Variants in DNAJC1 observed in about 807,000 individuals in gnomAD.
DNAJC1 encodes the protein DnaJ heat shock protein family (Hsp40) member C1.
In DNAJC1, 58 loss-of-function variants were observed where a neutral mutation model predicts 76.6. The observed-to-expected ratio is 0.76, with a 90% CI of 0.61 to 0.94. The LOEUF is 0.94. Among genes scored for constraint, DNAJC1 ranks in the 40% least tolerant of loss-of-function variants. The probability of loss-of-function intolerance (pLI) is 0.00; values close to 1 mark genes in which losing one functional copy is unlikely to be tolerated. For synonymous variants in DNAJC1, 258 were observed against 267.9 expected, an observed-to-expected ratio of 0.96 and a Z score of 0.36; for missense variants, 689 against 677.3, an observed-to-expected ratio of 1.02 and a Z score of -0.19.
chr10:21,967,990 A>G (rs1391346719), intron 1 of DNAJC1, among the ~76,000 whole-genome samples: 2 of 152,234 alleles, frequency 1.3e-5, no homozygotes, highest in South Asian at 2.1e-4. Context: ...AAAATAATAG[A>G]TCAGTCACTT....
chr10:21,826,775 A>C lies in DNAJC1; in HGVS notation c.979-20676T>G, dbSNP rs140107104. ...GAAAAGACTGTCTTCTCCACACTGA[A>C]TGATCTTGGTAGCCTTGTTGAACAT... is the stretch of plus-strand genomic sequence containing the variant. On this transcript the variant is annotated intron_variant, in intron 8 of 11. Coordinates refer to ENST00000376980, the MANE Select transcript of DNAJC1 (RefSeq NM_022365.4). Among the ~76,000 whole-genome samples, 12 of 152,312 alleles carry C rather than the reference A, an allele frequency of 7.9e-5. No homozygotes were observed. In the East Asian group the frequency reaches 2.3e-3, roughly 29 times the overall value.
At chr10:21,983,516 G>A (rs1050412708) in intron 1 of DNAJC1, among the ~76,000 whole-genome samples, 6 of 152,128 alleles carry the variant, frequency 3.9e-5, no homozygotes, top group African/African-American at 1.2e-4. Flanking sequence ...CTTGAGGCCA[G>A]GAGTTCGAGA....
chr10:21,860,286 C>T (rs1431611132), intron 8 of DNAJC1, among the ~76,000 whole-genome samples: 2 of 151,844 alleles, frequency 1.3e-5, no homozygotes, highest in Admixed American at 1.3e-4. Context: ...TTTTTTACCA[C>T]ATATTCTCTT....
At chr10:21,802,854 C>G (rs1253708760) in intron 9 of DNAJC1, among the ~76,000 whole-genome samples, 1 of 152,102 alleles carries the variant, frequency 6.6e-6, no homozygotes, top group Non-Finnish European at 1.5e-5. Flanking sequence ...ACATGCGAGA[C>G]AGTTTTTGTT....
At chr10:21,901,613 T>G (rs973567892) in intron 7 of DNAJC1, among the ~76,000 whole-genome samples, 1 of 152,204 alleles carries the variant, frequency 6.6e-6, no homozygotes, top group Non-Finnish European at 1.5e-5. Context: ...CCCTTTTCAC[T>G]GCCCCCCATA....
chr10:21,875,374 T>C (rs1211821716), intron 8 of DNAJC1, among the ~76,000 whole-genome samples: 2 of 152,214 alleles, frequency 1.3e-5, no homozygotes, highest in Non-Finnish European at 2.9e-5. Flanking sequence ...CTGGCTGGTC[T>C]TGAAGTCCTG....
Position 21,812,546 on chromosome 10 carries a change from T to C in DNAJC1, c.979-6447A>G, listed in dbSNP as rs539469011. On this transcript the variant is annotated intron_variant, in intron 8 of 11. Transcript: ENST00000376980. ...TTACCAAATATTTTCTTCTGGTCTA[T>C]AATCTATATTTTCTTTTTTAATAGA... 2.4e-4 allele frequency among the ~76,000 whole-genome samples: 37 copies of C among 152,260 alleles called. No homozygotes were observed. In the South Asian group the frequency reaches 7.3e-3, roughly 30 times the overall value.
Position 21,873,128 on chromosome 10 carries a change from C to T in DNAJC1, c.978+9154G>A, listed in dbSNP as rs555844357. ...TACCCCCTGCTTGCTCAATAGATCA[C>T]GACCCTCTCACGTGGACCCCCTTAG... On this transcript the variant is annotated intron_variant, in intron 8 of 11. Transcript: ENST00000376980. Among the ~76,000 whole-genome samples the T allele has an allele frequency of 1.4e-4, 21 of 152,172 alleles. No individual in the cohort carries two copies. The East Asian group carries it at 2.5e-3, about 18-fold the overall frequency.
chr10:21,809,261 T>C lies in DNAJC1; in HGVS notation c.979-3162A>G, dbSNP rs189084006. On this transcript the variant is annotated intron_variant, in intron 8 of 11. Transcript: ENST00000376980. ...AAATTATGGCCAAATTAAAAAAAAT[T>C]TTTAATGTACTTGTTTATTGTATTT... 5.5e-4 allele frequency among the ~76,000 whole-genome samples: 83 copies of C among 152,174 alleles called. 2 individuals are homozygous for C. The East Asian group carries it at 0.016, about 29-fold the overall frequency.
chr10:21,838,851 TA>T (rs1835519606), intron 8 of DNAJC1, among the ~76,000 whole-genome samples: 1 of 152,166 alleles, frequency 6.6e-6, no homozygotes, highest in Non-Finnish European at 1.5e-5. Flanking sequence ...CAGTTGGAAG[TA>T]AAGCACTCTT....
intron 8 of DNAJC1, among the ~76,000 whole-genome samples, chr10:21,813,391 C>CTT (rs35150177): frequency 7.5e-6 from 1 of 132,898 alleles, no homozygotes. Flanking sequence ...GGCAAACAGT[C>CTT]TTTTTTTTTT....
chr10:21,977,170 G>A (rs529843287), intron 1 of DNAJC1, among the ~76,000 whole-genome samples: 1 of 151,980 alleles, frequency 6.6e-6, no homozygotes, highest in African/African-American at 2.4e-5. Flanking sequence ...AGAATCCTAG[G>A]ACTCAGTACT....
intron 8 of DNAJC1, among the ~76,000 whole-genome samples, chr10:21,831,773 G>A (rs1363462376): frequency 1.5e-5 from 2 of 133,782 alleles, no homozygotes; most frequent in Admixed American, 8.4e-5. Context: ...CTGGGCGACA[G>A]AGCGAGACTC....
chr10:22,001,872 C>T (rs956843102), intron 1 of DNAJC1, among the ~76,000 whole-genome samples: 146 of 152,136 alleles, frequency 9.6e-4, no homozygotes, highest in Non-Finnish European at 1.5e-4. Context: ...TACACATACT[C>T]CATCATTTGC....
chr10:21,860,001 C>G (rs1026905114), intron 8 of DNAJC1, among the ~76,000 whole-genome samples: 18 of 151,932 alleles, frequency 1.2e-4, no homozygotes, highest in Non-Finnish European at 2.4e-4. Flanking sequence ...CCAGGCTGGT[C>G]TCAAACTCCT....
intron 8 of DNAJC1, among the ~76,000 whole-genome samples, chr10:21,850,336 G>C (rs992613170): frequency 2.0e-5 from 3 of 151,826 alleles, no homozygotes; most frequent in Admixed American, 2.0e-4. Context: ...ATATAAACAA[G>C]AAAACTAAGA....
intron 1 of DNAJC1, among the ~76,000 whole-genome samples, chr10:21,977,613 G>A (rs1838086701): frequency 6.6e-6 from 1 of 152,126 alleles, no homozygotes; most frequent in South Asian, 2.1e-4. Context: ...CAGTGCAGGG[G>A]ACCAAAATAT....
intron 7 of DNAJC1, among the ~76,000 whole-genome samples, chr10:21,896,738 G>A (rs184177084): frequency 1.3e-5 from 2 of 152,006 alleles, no homozygotes. Flanking sequence ...TTTTGGAAGG[G>A]GGGGGTTCAG....
At chr10:21,941,095 CAA>C (rs1208799870) in intron 1 of DNAJC1, among the ~76,000 whole-genome samples, 13 of 39,154 alleles carry the variant, frequency 3.3e-4, no homozygotes, top group South Asian at 9.8e-4. Context: ...ACTAAAAATA[CAA>C]AAAAAAAAAA....
Sources: allele counts gnomAD v4.1 joint callset (sites outside exome capture counted in the v4.1 genomes callset), GRCh38; gene constraint gnomAD v4.1.1; transcripts MANE v1.5; gene names NCBI Gene and HGNC (gene_info 2026-07-23, HGNC 2026-07-21).